Variants in CEP63 observed in about 807,000 individuals in gnomAD.
CEP63 encodes centrosomal protein of 63 kDa.
CEP63 carries 84 observed loss-of-function variants against 89.1 expected under a neutral mutation model. The ratio of observed to expected loss-of-function variants is 0.94; its 90% confidence interval spans 0.79 to 1.13. The LOEUF (loss-of-function observed/expected upper bound fraction) is 1.13. Among genes scored for constraint, CEP63 ranks in the 50% most tolerant of loss-of-function variants. The pLI, the probability that CEP63 is intolerant of heterozygous loss-of-function variation, is 0.00. For missense variants in CEP63, 838 were observed against 813.3 expected, an observed-to-expected ratio of 1.03 and a Z score of -0.37; for synonymous variants, 267 against 272.5, an observed-to-expected ratio of 0.98 and a Z score of 0.20.
At position 134,551,942 on chromosome 3, in the gene CEP63, T is replaced by C; in HGVS notation, c.1397T>C (p.Leu466Pro). Residue 466 changes from leucine (L) to proline (P), a missense_variant, in exon 12 of 15, where the codon CTG (leucine) becomes CCG (proline). Coordinates refer to ENST00000675561, the MANE Select transcript of CEP63 (RefSeq NM_001353108.3). The stretch of plus-strand genomic sequence containing the variant: ...CCTTTTCAGGAGATTTTGGATCAGC[T>C]GGAGTCACTCAAATTAGAAAATCGT... Reference protein sequence around the residue: ...AVEHKEILDQLESLKLENRHL... With the variant: ...AVEHKEILDQPESLKLENRHL... 1.2e-6 allele frequency: 2 copies of C among 1,609,474 alleles called. No homozygotes were observed. Among genetic ancestry groups the C allele is most frequent in the Non-Finnish European group, 1.7e-6 (2 of 1,176,946 alleles).
At chr3:134,663,344 G>C in the CEP63 span, among the ~76,000 whole-genome samples, 1 of 152,182 alleles carries the variant, frequency 6.6e-6, no homozygotes, top group Non-Finnish European at 1.5e-5. Flanking sequence ...AAGTAACCAA[G>C]AGCTCTAGTA....
chr3:134,764,130 G>A, the CEP63 span, among the ~76,000 whole-genome samples: 1 of 152,202 alleles, frequency 6.6e-6, no homozygotes, highest in Non-Finnish European at 1.5e-5. Flanking sequence ...AACAAGTTTA[G>A]TTTCATATTT....
intron 3 of CEP63, among the ~76,000 whole-genome samples, chr3:134,517,354 G>GA (rs1421266183): frequency 2.6e-5 from 4 of 152,076 alleles, no homozygotes; most frequent in South Asian, 4.2e-4. Context: ...ACAGAACTAG[G>GA]AAAAAACAGA....
chr3:134,658,872 T>G, the CEP63 span, among the ~76,000 whole-genome samples: 1 of 152,238 alleles, frequency 6.6e-6, no homozygotes, highest in Non-Finnish European at 1.5e-5. Flanking sequence ...CGATTCATGC[T>G]GTTAAGAGCA....
intron 3 of CEP63, among the ~76,000 whole-genome samples, chr3:134,509,106 C>T (rs1351686105): frequency 2.0e-5 from 3 of 151,894 alleles, no homozygotes; most frequent in African/African-American, 7.3e-5. Flanking sequence ...AGTCTGTTCT[C>T]ACATTGTGAT....
intron 1 of CEP63, among the ~76,000 whole-genome samples, chr3:134,490,842 C>T (rs1455635656): frequency 6.6e-6 from 1 of 151,984 alleles, no homozygotes; most frequent in Non-Finnish European, 1.5e-5. Flanking sequence ...ATTATGTATA[C>T]TGTTTTCCAT....
the CEP63 span, among the ~76,000 whole-genome samples, chr3:134,653,559 A>G: frequency 6.6e-6 from 1 of 152,142 alleles, no homozygotes; most frequent in Non-Finnish European, 1.5e-5. Flanking sequence ...GCCTGGGTTG[A>G]CTTAGCTGCT....
the CEP63 span, among the ~76,000 whole-genome samples, chr3:134,688,454 G>A: frequency 6.6e-6 from 1 of 152,210 alleles, no homozygotes; most frequent in Non-Finnish European, 1.5e-5. Flanking sequence ...TTGTGGTGAC[G>A]GTTGTACAGT....
chr3:134,665,764 GACAA>G, the CEP63 span, among the ~76,000 whole-genome samples: 7 of 151,952 alleles, frequency 4.6e-5, no homozygotes, highest in African/African-American at 1.2e-4. Flanking sequence ...TTGAGAGACA[GACAA>G]ACAGACACAG....
At chr3:134,498,006 C>A (rs1940722494) in intron 2 of CEP63, among the ~76,000 whole-genome samples, 1 of 152,102 alleles carries the variant, frequency 6.6e-6, no homozygotes. Context: ...TAGTGTGATA[C>A]CTCCAGTTTT....
chr3:134,595,494 TG>T, the CEP63 span, among the ~76,000 whole-genome samples: 1 of 152,206 alleles, frequency 6.6e-6, no homozygotes, highest in Non-Finnish European at 1.5e-5. Context: ...ACCTTTAAGC[TG>T]GGATTGGCAA....
chr3:134,762,482 G>C, the CEP63 span, among the ~76,000 whole-genome samples: 1 of 152,058 alleles, frequency 6.6e-6, no homozygotes, highest in African/African-American at 2.4e-5. Context: ...GAACATGACC[G>C]TATTTCAGGA....
At chr3:134,778,338 C>A in the CEP63 span, among the ~76,000 whole-genome samples, 1 of 152,064 alleles carries the variant, frequency 6.6e-6, no homozygotes. Context: ...CTCAGGTGAT[C>A]TGCCCACCTC....
At chr3:134,782,277 G>C in the CEP63 span, among the ~76,000 whole-genome samples, 17 of 152,280 alleles carry the variant, frequency 1.1e-4, 1 homozygote, top group Middle Eastern at 3.4e-3. Context: ...GTTTGGATTA[G>C]AACCCACTAA....
At chr3:134,502,648 T>TA (rs1942349232) in intron 2 of CEP63, among the ~76,000 whole-genome samples, 1 of 152,188 alleles carries the variant, frequency 6.6e-6, no homozygotes, top group Non-Finnish European at 1.5e-5. Flanking sequence ...TTTGTACTTC[T>TA]ATGGGATTGG....
chr3:134,692,550 T>G, the CEP63 span, among the ~76,000 whole-genome samples: 3 of 152,324 alleles, frequency 2.0e-5, no homozygotes, highest in Admixed American at 2.0e-4. Context: ...ATATAACTTC[T>G]GCAAAACTCC....
At chr3:134,668,931 A>G in the CEP63 span, among the ~76,000 whole-genome samples, 4 of 152,152 alleles carry the variant, frequency 2.6e-5, no homozygotes, top group African/African-American at 9.7e-5. Flanking sequence ...GAGACCCTCA[A>G]TTTTCAAATT....
the CEP63 span, among the ~76,000 whole-genome samples, chr3:134,759,362 T>C: frequency 6.6e-6 from 1 of 152,252 alleles, no homozygotes; most frequent in South Asian, 2.1e-4. Context: ...AAACTGGTCC[T>C]GTCTTACCTT....
the CEP63 span, among the ~76,000 whole-genome samples, chr3:134,757,183 A>T: frequency 6.6e-6 from 1 of 152,208 alleles, no homozygotes; most frequent in Admixed American, 6.5e-5. Context: ...GACACACAGG[A>T]TGCAGCAAAT....
Sources: gnomAD v4.1 joint callset for allele counts (sites outside exome capture counted in the v4.1 genomes callset) on GRCh38, gnomAD v4.1.1 for gene constraint, MANE v1.5 for transcripts, NCBI Gene and HGNC (gene_info 2026-07-23, HGNC 2026-07-21) for gene names.